Variants in BTBD8 observed in about 807,000 individuals in gnomAD.
BTBD8 encodes the protein BTB/POZ domain-containing protein 8.
A neutral mutation model predicts 162.9 loss-of-function variants in BTBD8; 110 were observed. The ratio of observed to expected loss-of-function variants is 0.68; its 90% CI spans 0.58 to 0.79. The LOEUF (loss-of-function observed/expected upper bound fraction) is 0.79. Among genes scored for constraint, BTBD8 ranks in the 30% least tolerant of loss-of-function variants. BTBD8 has a pLI of 0.00. For synonymous variants in BTBD8, 667 were observed against 716.1 expected (o/e 0.93, Z 1.10); for missense variants, 1,905 against 2,085.4 (o/e 0.91, Z 1.68).
chr1:92,171,549 A>T (rs1650546923), intron 13 of BTBD8, 89 bp downstream of exon 13: 7 of 837,582 alleles, frequency 8.4e-6, no homozygotes, highest in Non-Finnish European at 8.6e-6. Flanking sequence ...AAGTTTTAAA[A>T]ATCTATTCAT....
In BTBD8 at chr1:92,167,955, A is replaced by C; in HGVS notation, c.1413A>C (p.Thr471=). Residue 471 remains threonine, a synonymous_variant, in exon 11 of 18, where the codon ACA becomes ACC. Transcript: ENST00000636805. ...GCTCTCTTCTTATGGCTCTGGACACACTGCTGAACTCTGACAGTACAAAGG... is the reference window on the plus strand; with the variant it reads ...GCTCTCTTCTTATGGCTCTGGACACCCTGCTGAACTCTGACAGTACAAAGG... ...NSCSLLMALD[T]LLNSDSTKEM... is the part of the protein sequence containing the mutation. 1 of 1,548,606 alleles carries C rather than the reference A, an allele frequency of 6.5e-7. No homozygotes were observed. The highest frequency in any genetic ancestry group is 8.7e-7 in the Non-Finnish European group (1 of 1,145,102).
chr1:92,121,267 G>A (rs774726476), intron 4 of BTBD8, among the ~76,000 whole-genome samples: 1 of 151,916 alleles, frequency 6.6e-6, no homozygotes, highest in Non-Finnish European at 1.5e-5. Context: ...ATTCTATTTC[G>A]TGCTGAATTC....
At chr1:92,161,092 T>C (rs550810457) in intron 9 of BTBD8, among the ~76,000 whole-genome samples, 1 of 152,330 alleles carries the variant, frequency 6.6e-6, no homozygotes, top group South Asian at 2.1e-4. Context: ...CATATTTCCC[T>C]ATCAGCTTCA....
At chr1:92,147,629 A>G (rs748405018) in intron 8 of BTBD8, 55 bp from the exon 9 acceptor site, 4 of 1,417,318 alleles carry the variant, frequency 2.8e-6, no homozygotes, top group Non-Finnish European at 3.9e-6. Context: ...AATATTGACT[A>G]TTATAATGAA....
Position 92,183,759 on chromosome 1 carries a change from T to TG in BTBD8, c.4913-105_4913-104insG, listed in dbSNP as rs1650992411. Reference sequence around the variant, plus strand: ...AAGTTATTTTTCCCATTCTGTGTTTTTTTTTTTTTTTGACTATCACTGTTA... The same window carrying TG: ...AAGTTATTTTTCCCATTCTGTGTTTTGTTTTTTTTTTTGACTATCACTGTTA... On this transcript the variant is annotated intron_variant, in intron 17 of 17. Coordinates refer to ENST00000636805, the MANE Select transcript of BTBD8 (RefSeq NM_001376131.1). The TG allele has an allele frequency of 7.3e-6, 4 of 546,206 alleles. No individual in the cohort carries two copies. The Admixed American group carries it at 1.1e-4, about 16-fold the overall frequency. The allele number at this position is 546,206 out of a possible 1,614,324, so 33.8% of individuals were successfully genotyped here.
At chr1:92,084,808 T>G (rs1648112619) in intron 1 of BTBD8, among the ~76,000 whole-genome samples, 1 of 152,246 alleles carries the variant, frequency 6.6e-6, no homozygotes, top group Non-Finnish European at 1.5e-5. Flanking sequence ...CCTCTTTCAC[T>G]GTAGGGTACA....
In BTBD8 at chr1:92,171,451, T is replaced by TA; in HGVS notation, c.1627dup (p.Ser543LysfsTer10). ...GACTTGGCAAAAAGCCTATATTCAG[T>TA]AGCTCGCAGGTAAACTTTCTAAATT... On this transcript the variant is annotated frameshift_variant, in exon 13 of 18. Coordinates refer to ENST00000636805, the MANE Select transcript of BTBD8 (RefSeq NM_001376131.1). LOFTEE classifies it high-confidence loss of function. 6.6e-7 allele frequency: 1 copy of TA among 1,522,172 alleles called. No homozygotes were observed. Among genetic ancestry groups the TA allele is most frequent in the Non-Finnish European group, 8.8e-7 (1 of 1,130,612 alleles). The allele number at this position is 1,522,172 out of a possible 1,614,324, so 94.3% of individuals were successfully genotyped here.
intron 3 of BTBD8, 37 bp from the exon 4 acceptor site, chr1:92,107,847 T>C (rs114520917): frequency 3.3e-6 from 5 of 1,532,616 alleles, no homozygotes; most frequent in African/African-American, 2.8e-5. Flanking sequence ...GTTTGTAATA[T>C]TAAACTATTT....
intron 7 of BTBD8, among the ~76,000 whole-genome samples, chr1:92,145,694 T>G (rs560384478): frequency 1.3e-5 from 2 of 152,222 alleles, no homozygotes; most frequent in African/African-American, 4.8e-5. Context: ...AAAAATACCT[T>G]ACGTAGGCCG....
At chr1:92,111,250 C>T (rs1049447046) in intron 4 of BTBD8, among the ~76,000 whole-genome samples, 1 of 152,170 alleles carries the variant, frequency 6.6e-6, no homozygotes, top group Non-Finnish European at 1.5e-5. Flanking sequence ...ACCTCAGCCT[C>T]CCAAAGTGCT....
intron 4 of BTBD8, chr1:92,126,506 C>G: frequency 4.8e-6 from 3 of 630,126 alleles, no homozygotes; most frequent in Non-Finnish European, 8.8e-6. Context: ...CTCCTCAATC[C>G]TCTTCACTCA....
At chr1:92,159,567 A>G (rs1650239121) in intron 9 of BTBD8, among the ~76,000 whole-genome samples, 1 of 152,080 alleles carries the variant, frequency 6.6e-6, no homozygotes. Context: ...AAGAATTCCC[A>G]TTGGAACTCC....
intron 16 of BTBD8, among the ~76,000 whole-genome samples, chr1:92,179,834 A>G (rs983935243): frequency 6.6e-6 from 1 of 152,152 alleles, no homozygotes; most frequent in Non-Finnish European, 1.5e-5. Flanking sequence ...TATTTATTTT[A>G]TATTTAGCTT....
intron 4 of BTBD8, among the ~76,000 whole-genome samples, chr1:92,120,983 A>T (rs1336275306): frequency 6.6e-6 from 1 of 152,084 alleles, no homozygotes; most frequent in African/African-American, 2.4e-5. Context: ...GGCTGGTCTC[A>T]AACTCCTGGC....
intron 1 of BTBD8, among the ~76,000 whole-genome samples, chr1:92,083,513 A>G (rs886136860): frequency 5.9e-5 from 9 of 152,126 alleles, no homozygotes; most frequent in African/African-American, 2.2e-4. Context: ...AGGGCCACAT[A>G]TAAGTAATAA....
intron 7 of BTBD8, among the ~76,000 whole-genome samples, chr1:92,141,897 A>AT (rs756019304): frequency 2.3e-4 from 35 of 152,320 alleles, no homozygotes; most frequent in Middle Eastern, 3.4e-3. Flanking sequence ...AACTTTTTAC[A>AT]TCATATTTCT....
rs550000883 is a variant in BTBD8 at position 92,169,286 on chromosome 1, A to C, written c.1573+291A>C. Reference sequence around the variant, plus strand: ...TTACAAGCATTCTTGTGAAGAGATTAAAAGTGTAAGAAAATGTAACCCACA... The same window carrying C: ...TTACAAGCATTCTTGTGAAGAGATTCAAAGTGTAAGAAAATGTAACCCACA... On this transcript the variant is annotated intron_variant, in intron 12 of 17. Coordinates refer to ENST00000636805, the MANE Select transcript of BTBD8 (RefSeq NM_001376131.1). Among the ~76,000 whole-genome samples the C allele has an allele frequency of 1.1e-4, 16 of 152,344 alleles. No individual in the cohort carries two copies. The South Asian group carries it at 3.3e-3, about 32-fold the overall frequency.
At chr1:92,108,897 G>C (rs1192522578) in intron 4 of BTBD8, among the ~76,000 whole-genome samples, 1 of 152,058 alleles carries the variant, frequency 6.6e-6, no homozygotes, top group Non-Finnish European at 1.5e-5. Context: ...TAGGTTCAGG[G>C]GTGCACAGCC....
At chr1:92,112,594 AT>A (rs559705105) in intron 4 of BTBD8, among the ~76,000 whole-genome samples, 172 of 152,204 alleles carry the variant, frequency 1.1e-3, no homozygotes, top group Non-Finnish European at 1.3e-3. Context: ...TTAATTCCTC[AT>A]TTTTTTCAAT....
Sources: allele counts gnomAD v4.1 joint callset (sites outside exome capture counted in the v4.1 genomes callset), GRCh38; gene constraint gnomAD v4.1.1; transcripts MANE v1.5; gene names NCBI Gene and HGNC (gene_info 2026-07-23, HGNC 2026-07-21).